Variants in GALNT2 observed in about 807,000 individuals in gnomAD.
GALNT2 encodes the protein polypeptide N-acetylgalactosaminyltransferase 2, also known as UDP-GalNAc:polypeptide N-acetylgalactosaminyltransferase 2.
Under a neutral mutation model 81.4 loss-of-function variants are expected in GALNT2, and 31 were observed. The ratio of observed to expected loss-of-function variants is 0.38; its 90% CI spans 0.29 to 0.51. The LOEUF is 0.51. Ranked by LOEUF, GALNT2 falls within the 20% of genes least tolerant of loss-of-function variation. The pLI is 0.87. For synonymous variants in GALNT2, 303 were observed against 287.4 expected (o/e 1.05, Z -0.55); for missense variants, 629 against 765.7 (o/e 0.82, Z 2.11).
intron 1 of GALNT2, among the ~76,000 whole-genome samples, chr1:230,080,211 C>T (rs140917302): frequency 3.9e-5 from 6 of 152,220 alleles, no homozygotes; most frequent in East Asian, 1.9e-4. Flanking sequence ...TGTTGCAAAG[C>T]GCCGACATCA....
intron 1 of GALNT2, among the ~76,000 whole-genome samples, chr1:230,116,272 C>G (rs1240921416): frequency 6.6e-6 from 1 of 152,124 alleles, no homozygotes; most frequent in African/African-American, 2.4e-5. Flanking sequence ...GCTATGTCAC[C>G]AGGCTGGAGT....
chr1:230,244,103 G>A (rs1265995948), intron 7 of GALNT2, among the ~76,000 whole-genome samples: 2 of 151,624 alleles, frequency 1.3e-5, no homozygotes, highest in Non-Finnish European at 2.9e-5. Flanking sequence ...CCTTGGGGGC[G>A]ATAAAGCAAA....
At chr1:230,084,164 C>G (rs1311835482) in intron 1 of GALNT2, among the ~76,000 whole-genome samples, 1 of 152,160 alleles carries the variant, frequency 6.6e-6, no homozygotes, top group Non-Finnish European at 1.5e-5. Flanking sequence ...CAGGCTTGGC[C>G]CCTCCCACAG....
intron 3 of GALNT2, among the ~76,000 whole-genome samples, chr1:230,230,799 G>A (rs945850046): frequency 2.6e-5 from 4 of 152,100 alleles, no homozygotes; most frequent in African/African-American, 9.7e-5. Context: ...TACAAAATCC[G>A]AATTACAAGG....
At chr1:230,146,318 G>A (rs1661914705) in intron 1 of GALNT2, among the ~76,000 whole-genome samples, 1 of 152,244 alleles carries the variant, frequency 6.6e-6, no homozygotes. Flanking sequence ...CTTGTTCGCA[G>A]CTATTCATGT....
rs976343130 is a variant in GALNT2 at position 230,275,109 on chromosome 1, CATAT to C, written c.1560+551_1560+554del. Among the ~76,000 whole-genome samples, 1 of 139,002 alleles carries C rather than the reference CATAT, an allele frequency of 7.2e-6. No individual in the cohort carries two copies. Among genetic ancestry groups the C allele is most frequent in the Non-Finnish European group, 1.5e-5 (1 of 67,346 alleles). The allele number at this position is 139,002 out of a possible 152,430, so 91.2% of individuals were successfully genotyped here. A position where few individuals can be genotyped will look rare whatever the true frequency, so the allele number is the denominator to read the frequency against. On this transcript the variant is annotated intron_variant, in intron 15 of 15. Transcript: ENST00000366672. This position sits in a 1 kb window ranked among gnomAD's most constrained non-coding sequence, Gnocchi z 5.5. The stretch of plus-strand genomic sequence containing the variant: ...CATATATATACATGTATACACACCA[CATAT>C]ATATACATATATATACACACCACAT...
At chr1:230,179,551 T>TA (rs1232401464) in intron 2 of GALNT2, among the ~76,000 whole-genome samples, 1 of 152,236 alleles carries the variant, frequency 6.6e-6, no homozygotes, top group African/African-American at 2.4e-5. Context: ...TCTAATGACA[T>TA]ATGATGTTGA....
In GALNT2 at chr1:230,250,476, G is replaced by T; in HGVS notation, c.925G>T (p.Gly309Trp). The part of the protein sequence containing the change: ...APIKTPMIAG[G>W]LFVMDKFYFE... Reference sequence around the variant, plus strand: ...CTTTAGAACCCCCATGATTGCTGGTGGGCTGTTTGTGATGGATAAGTTCTA... The same window carrying T: ...CTTTAGAACCCCCATGATTGCTGGTTGGCTGTTTGTGATGGATAAGTTCTA... The change falls in exon 10 of 16, where the codon GGG becomes TGG. Residue 309 changes from glycine (G) to tryptophan (W), a missense_variant. Physicochemically the swap from Gly to Trp is radical, Grantham distance 184 (BLOSUM62 -2). Transcript: ENST00000366672. 1 of 1,613,928 alleles carries T rather than the reference G, an allele frequency of 6.2e-7. No individual in the cohort carries two copies. Among genetic ancestry groups the T allele is most frequent in the Non-Finnish European group, 8.5e-7 (1 of 1,179,888 alleles).
chr1:230,207,201 C>T (rs1664083252), intron 3 of GALNT2, among the ~76,000 whole-genome samples: 1 of 151,892 alleles, frequency 6.6e-6, no homozygotes, highest in Non-Finnish European at 1.5e-5. Context: ...CCCAATAAAT[C>T]ATGCAAGATA....
At chr1:230,143,385 A>AT (rs1379778753) in intron 1 of GALNT2, among the ~76,000 whole-genome samples, 1 of 152,244 alleles carries the variant, frequency 6.6e-6, no homozygotes, top group Non-Finnish European at 1.5e-5. Context: ...AACTGGAGAC[A>AT]TTCGAGAGCA....
intron 3 of GALNT2, among the ~76,000 whole-genome samples, chr1:230,229,619 G>C (rs936999027): frequency 1.3e-5 from 2 of 152,194 alleles, no homozygotes; most frequent in Admixed American, 6.5e-5. Context: ...TAAAAAGACA[G>C]TGTCCACTGC....
At chr1:230,195,559 G>A (rs1163478286) in intron 2 of GALNT2, among the ~76,000 whole-genome samples, 2 of 152,164 alleles carry the variant, frequency 1.3e-5, no homozygotes, top group East Asian at 1.9e-4. Context: ...CACATACATC[G>A]CAGTGGCCCT....
intron 3 of GALNT2, among the ~76,000 whole-genome samples, chr1:230,206,845 T>C (rs1490701484): frequency 6.6e-6 from 1 of 152,136 alleles, no homozygotes; most frequent in African/African-American, 2.4e-5. Context: ...TATAAGATGA[T>C]AGAACATTAC....
At chr1:230,255,446 T>C in intron 11 of GALNT2, 102 bp downstream of exon 11, 1 of 1,474,496 alleles carries the variant, frequency 6.8e-7, no homozygotes, top group Non-Finnish European at 9.4e-7. Context: ...TCAGTGGGTG[T>C]GGTGCATTTA....
chr1:230,255,122 A>G (rs2102752889), intron 10 of GALNT2, 96 bp from the exon 11 acceptor site: 3 of 1,557,022 alleles, frequency 1.9e-6, no homozygotes, highest in Non-Finnish European at 2.6e-6. Context: ...CCATGATGGG[A>G]TGGTCAGGGG....
At chr1:230,242,663 C>T (rs1665235819) in intron 6 of GALNT2, among the ~76,000 whole-genome samples, 1 of 152,138 alleles carries the variant, frequency 6.6e-6, no homozygotes, top group African/African-American at 2.4e-5. Context: ...GCTAGAACCA[C>T]AGGCGCACGC....
At chr1:230,148,584 TTTTC>T (rs1661996412) in intron 1 of GALNT2, among the ~76,000 whole-genome samples, 1 of 152,132 alleles carries the variant, frequency 6.6e-6, no homozygotes, top group Non-Finnish European at 1.5e-5. Flanking sequence ...TTTTCTTTTT[TTTTC>T]TTTCTTTCTA....
intron 2 of GALNT2, among the ~76,000 whole-genome samples, chr1:230,200,062 CTTTTTTTT>C (rs34212427): frequency 4.4e-5 from 5 of 113,518 alleles, no homozygotes; most frequent in Middle Eastern, 4.6e-3. Context: ...TCTTTTTTTT[CTTTTTTTT>C]TTTTTTTTTT....
chr1:230,108,454 T>A (rs1032159893), intron 1 of GALNT2, among the ~76,000 whole-genome samples: 1 of 152,220 alleles, frequency 6.6e-6, no homozygotes, highest in African/African-American at 2.4e-5. Context: ...GATATAATGG[T>A]ATTTTCAACT....
Sources: allele counts gnomAD v4.1 joint callset (sites outside exome capture counted in the v4.1 genomes callset), GRCh38; gene constraint gnomAD v4.1.1; non-coding constraint Gnocchi (gnomAD v3.1); transcripts MANE v1.5; gene names NCBI Gene and HGNC (gene_info 2026-07-23, HGNC 2026-07-21).